FAM167A: variants seen among roughly 807,000 people sequenced by gnomAD.
FAM167A encodes protein FAM167A.
Under a neutral mutation model 14.9 loss-of-function variants are expected in FAM167A, and 23 were observed. The observed-to-expected ratio is 1.55, with a 90% CI of 1.11 to 2.19. The LOEUF is 2.19. Among genes scored for constraint, FAM167A ranks in the 30% most tolerant of loss-of-function variants. FAM167A has a pLI of 0.00. For missense variants in FAM167A, 401 were observed against 281.5 expected, an observed-to-expected ratio of 1.42 and a Z score of -3.04; for synonymous variants, 174 against 117.7, an observed-to-expected ratio of 1.48 and a Z score of -3.10.
At chr8:11,466,777 C>CT (rs34317384), upstream of FAM167A, 73,098 of 150,914 alleles carry the variant, frequency 0.48, 18,694 homozygotes, top group Middle Eastern at 0.56. Context: ...TCGGAAAGGA[C>CT]TTTTTTTTTC....
At position 11,453,398 on chromosome 8, in the gene FAM167A, C is replaced by T. The variant is rs557139586; in HGVS notation, c.-397-8590G>A. 1.6e-4 allele frequency among the ~76,000 whole-genome samples: 24 copies of T among 152,328 alleles called. No homozygotes were observed. The East Asian group carries it at 4.4e-3, about 28-fold the overall frequency. The stretch of plus-strand genomic sequence containing the variant: ...ATATGTATGAAGCACTCAATATGTG[C>T]CAGGCACTATAAGGAGATAGCACCT... On this transcript the variant is annotated intron_variant, in intron 1 of 2. Transcript: ENST00000284486.
chr8:11,442,952 G>A (rs1423277428), intron 2 of FAM167A, among the ~76,000 whole-genome samples: 2 of 152,152 alleles, frequency 1.3e-5, no homozygotes, highest in Non-Finnish European at 2.9e-5. Flanking sequence ...AGCCCCTGAG[G>A]CATTCCAGGC....
At chr8:11,435,392 G>A (rs1219279880) in intron 2 of FAM167A, among the ~76,000 whole-genome samples, 1 of 152,246 alleles carries the variant, frequency 6.6e-6, no homozygotes, top group Non-Finnish European at 1.5e-5. Context: ...AACACCAGAG[G>A]AGAGACAGAG....
chr8:11,458,975 T>C (rs1009544722), intron 1 of FAM167A, among the ~76,000 whole-genome samples: 12 of 152,256 alleles, frequency 7.9e-5, no homozygotes, highest in African/African-American at 2.4e-4. Context: ...CCCCCAGTTC[T>C]TCCCCCTGCT....
intron 1 of FAM167A, among the ~76,000 whole-genome samples, chr8:11,475,663 T>A (rs1175735375): frequency 6.6e-6 from 1 of 152,242 alleles, no homozygotes; most frequent in Non-Finnish European, 1.5e-5. Flanking sequence ...TACAAACATA[T>A]CCAGTACCAA....
At chr8:11,471,490 G>C (rs778342981), upstream of FAM167A, among the ~76,000 whole-genome samples, 28 of 152,296 alleles carry the variant, frequency 1.8e-4, no homozygotes, top group Non-Finnish European at 3.7e-4. Flanking sequence ...GACGGCAATA[G>C]AGGTGGTGAC....
Position 11,444,641 on chromosome 8 carries a change from G to C in FAM167A, c.-230C>G. On this transcript the variant is annotated 5_prime_UTR_variant, in exon 2 of 3. Coordinates refer to ENST00000284486, the MANE Select transcript of FAM167A (RefSeq NM_053279.3). ...AGGCTCGGGTCTATGATCCGTCCTG[G>C]AAGCCTGTGGGTGCCATGCTCCACA... The C allele has an allele frequency of 7.5e-7, 1 of 1,324,790 alleles. No individual in the cohort carries two copies. The highest frequency in any genetic ancestry group is 2.2e-5 in the South Asian group (1 of 44,734). 82.1% of individuals were successfully genotyped at this position (1,324,790 alleles called of 1,614,324 possible). A position where few individuals can be genotyped will look rare whatever the true frequency, so the allele number is the denominator to read the frequency against.
At chr8:11,453,777 A>G (rs1306322000) in intron 1 of FAM167A, among the ~76,000 whole-genome samples, 1 of 151,974 alleles carries the variant, frequency 6.6e-6, no homozygotes, top group Non-Finnish European at 1.5e-5. Context: ...TGGCCACTCC[A>G]CAGCAGAACC....
chr8:11,427,609 G>C (rs1223498340), intron 2 of FAM167A, among the ~76,000 whole-genome samples: 1 of 152,192 alleles, frequency 6.6e-6, no homozygotes, highest in Non-Finnish European at 1.5e-5. Flanking sequence ...GCACATTGCA[G>C]GGTAGAAAAA....
chr8:11,455,930 G>GT (rs1807252522), intron 1 of FAM167A, among the ~76,000 whole-genome samples: 2 of 148,586 alleles, frequency 1.3e-5, no homozygotes, highest in East Asian at 2.1e-4. Flanking sequence ...TTGCCCTGCT[G>GT]GGTGTGCGTG....
rs369389671 is a variant in FAM167A at position 11,459,777 on chromosome 8, C to T, written c.-398+6849G>A. Among the ~76,000 whole-genome samples, 43 of 152,300 alleles carry T rather than the reference C, an allele frequency of 2.8e-4. No homozygotes were observed. In the East Asian group the frequency reaches 3.5e-3, roughly 12 times the overall value. ...TCACCCAGGCTGGAATGCAGCGGCA[C>T]GACCTCGGCTTACTGCAAACTCTGC... On this transcript the variant is annotated intron_variant, in intron 1 of 2. Transcript: ENST00000284486.
intron 2 of FAM167A, chr8:11,435,108 A>T (rs1302276825): frequency 2.2e-6 from 1 of 456,618 alleles, no homozygotes; most frequent in African/African-American, 2.0e-5. Context: ...CAAAGGTATC[A>T]CGGGACCCTC....
intron 2 of FAM167A, among the ~76,000 whole-genome samples, chr8:11,442,498 GA>G (rs1308324130): frequency 6.6e-6 from 1 of 152,128 alleles, no homozygotes; most frequent in African/African-American, 2.4e-5. Context: ...TCCTTAAAAA[GA>G]AAAAGCCTCA....
intron 1 of FAM167A, among the ~76,000 whole-genome samples, chr8:11,458,389 T>G (rs141157860): frequency 4.3e-4 from 65 of 152,236 alleles, no homozygotes; most frequent in Middle Eastern, 6.8e-3. Context: ...TTTTACTGAG[T>G]CACATTTCTG....
intron 1 of FAM167A, among the ~76,000 whole-genome samples, chr8:11,473,070 C>G (rs959347091): frequency 6.6e-6 from 1 of 152,162 alleles, no homozygotes; most frequent in Admixed American, 6.5e-5. Context: ...GTGAGGTGGC[C>G]CTTGACCTGC....
upstream of FAM167A, among the ~76,000 whole-genome samples, chr8:11,467,111 G>A (rs1419658635): frequency 1.3e-5 from 2 of 152,226 alleles, no homozygotes; most frequent in African/African-American, 4.8e-5. Context: ...CACGCCCAGG[G>A]CCTCACCCAC....
chr8:11,443,198 G>A (rs948845884), intron 2 of FAM167A, among the ~76,000 whole-genome samples: 20 of 152,302 alleles, frequency 1.3e-4, no homozygotes, highest in Admixed American at 6.5e-4. Context: ...AGAGGCTGTC[G>A]TGCCAGACAC....
chr8:11,438,991 T>C (rs1585250087), intron 2 of FAM167A, among the ~76,000 whole-genome samples: 1 of 152,268 alleles, frequency 6.6e-6, no homozygotes, highest in Non-Finnish European at 1.5e-5. Flanking sequence ...ACAAGTACCC[T>C]GTTCTGAAGG....
rs1182659525 is a variant in FAM167A at position 11,422,187 on chromosome 8, G to T, written c.*2186C>A. On this transcript the variant is annotated 3_prime_UTR_variant, in exon 3 of 3. Transcript: ENST00000284486. Reference sequence around the variant, plus strand: ...TCACTCAGTTGCATCCAACTTAATTGGACTGACTACATTCAGCTAAATCTT... The same window carrying T: ...TCACTCAGTTGCATCCAACTTAATTTGACTGACTACATTCAGCTAAATCTT... The T allele has an allele frequency of 5.0e-6, 1 of 201,700 alleles. No individual in the cohort carries two copies. Among genetic ancestry groups the T allele is most frequent in the African/African-American group, 2.3e-5 (1 of 43,364 alleles). 12.5% of individuals were successfully genotyped at this position (201,700 alleles called of 1,614,324 possible).
Sources: gnomAD v4.1 joint callset for allele counts (sites outside exome capture counted in the v4.1 genomes callset) on GRCh38, gnomAD v4.1.1 for gene constraint, MANE v1.5 for transcripts, NCBI Gene and HGNC (gene_info 2026-07-23, HGNC 2026-07-21) for gene names.